Variants in PARD3B observed in about 807,000 individuals in gnomAD.
PARD3B encodes partitioning defective 3 homolog B.
Under a neutral mutation model 130.2 loss-of-function variants are expected in PARD3B, and 103 were observed. That is an observed-to-expected ratio of 0.79 (90% CI 0.67 to 0.93). The LOEUF (loss-of-function observed/expected upper bound fraction) is 0.93. Ranked by LOEUF, PARD3B falls within the 40% of genes least tolerant of loss-of-function variation. The pLI is 0.00. For synonymous variants in PARD3B, 583 were observed against 553.2 expected (o/e 1.05, Z -0.76); for missense variants, 1,609 against 1,499.2 (o/e 1.07, Z -1.21).
chr2:204,765,362 C>T (rs182751259), intron 2 of PARD3B, among the ~76,000 whole-genome samples: 1 of 152,110 alleles, frequency 6.6e-6, no homozygotes, highest in Non-Finnish European at 1.5e-5. Flanking sequence ...ATTGGAGAAC[C>T]ACTCTTCTGC....
chr2:205,476,683 T>C (rs1159577592), intron 20 of PARD3B, among the ~76,000 whole-genome samples: 2 of 152,206 alleles, frequency 1.3e-5, no homozygotes, highest in Non-Finnish European at 2.9e-5. Context: ...TACCCTCTTA[T>C]GAGTTACAGT....
intron 2 of PARD3B, among the ~76,000 whole-genome samples, chr2:204,959,510 G>A (rs577028467): frequency 7.5e-4 from 114 of 152,042 alleles, no homozygotes; most frequent in Non-Finnish European, 1.4e-3. Context: ...GGCATTGCTG[G>A]GTCAAATGGT....
chr2:204,883,199 T>A (rs1266970539), intron 2 of PARD3B, among the ~76,000 whole-genome samples: 1 of 151,472 alleles, frequency 6.6e-6, no homozygotes, highest in East Asian at 2.0e-4. Flanking sequence ...ATCGACACCA[T>A]CCTTTTATTT....
chr2:204,836,432 G>T (rs969553308), intron 2 of PARD3B, among the ~76,000 whole-genome samples: 4 of 152,132 alleles, frequency 2.6e-5, no homozygotes, highest in Non-Finnish European at 5.9e-5. Flanking sequence ...GGAGGCCAAG[G>T]CACGTGAATT....
chr2:204,988,547 A>G (rs1310420421), intron 3 of PARD3B, among the ~76,000 whole-genome samples: 2 of 152,228 alleles, frequency 1.3e-5, no homozygotes, highest in Non-Finnish European at 2.9e-5. Flanking sequence ...CCCATTCTCC[A>G]TGATGTGCTT....
chr2:205,528,321 A>C (rs2051425848), intron 21 of PARD3B, among the ~76,000 whole-genome samples: 1 of 152,180 alleles, frequency 6.6e-6, no homozygotes, highest in South Asian at 2.1e-4. Context: ...CGTTGTGCCC[A>C]ACCTCATGCT....
At position 204,949,282 on chromosome 2, in the gene PARD3B, A is replaced by G. The variant is rs199562323; in HGVS notation, c.223-15870A>G. ...TTTCTCCTCTTTCAGTTAAACCAGT[A>G]TCTTTGTCTTTGTCTTCCTTTCTTT... On this transcript the variant is annotated intron_variant, in intron 2 of 22. Transcript: ENST00000406610. Among the ~76,000 whole-genome samples the G allele has an allele frequency of 5.3e-5, 8 of 152,032 alleles. No individual in the cohort carries two copies. In the East Asian group the frequency reaches 1.5e-3, roughly 29 times the overall value.
intron 20 of PARD3B, among the ~76,000 whole-genome samples, chr2:205,488,007 A>G (rs1477404119): frequency 6.6e-6 from 1 of 152,132 alleles, no homozygotes; most frequent in Non-Finnish European, 1.5e-5. Flanking sequence ...AAAATAATAC[A>G]AGTTTTGTAG....
At chr2:204,955,280 A>G (rs570266713) in intron 2 of PARD3B, among the ~76,000 whole-genome samples, 1 of 152,370 alleles carries the variant, frequency 6.6e-6, no homozygotes, top group Admixed American at 6.5e-5. Flanking sequence ...AAGAAAATCA[A>G]ATACATATAT....
At chr2:205,106,271 C>A (rs933734829) in intron 5 of PARD3B, among the ~76,000 whole-genome samples, 4 of 152,142 alleles carry the variant, frequency 2.6e-5, no homozygotes, top group African/African-American at 9.6e-5. Context: ...CCTCAGCCTC[C>A]CAAGTAGCTG....
chr2:204,570,460 G>C (rs6741392), intron 1 of PARD3B, among the ~76,000 whole-genome samples: 1 of 152,108 alleles, frequency 6.6e-6, no homozygotes, highest in Non-Finnish European at 1.5e-5. Context: ...ACATGATTCT[G>C]TCCATCTAGC....
chr2:205,380,950 T>TAAAG (rs529607774), intron 18 of PARD3B, among the ~76,000 whole-genome samples: 9,675 of 81,768 alleles, frequency 0.12, 1,843 homozygotes, highest in African/African-American at 0.29. Flanking sequence ...ATATAATATA[T>TAAAG]AATGTATATA....
At chr2:205,184,855 T>C (rs1049005441) in intron 13 of PARD3B, among the ~76,000 whole-genome samples, 1 of 152,140 alleles carries the variant, frequency 6.6e-6, no homozygotes, top group African/African-American at 2.4e-5. Context: ...ACTTGATGGC[T>C]TTAAAAACTG....
intron 2 of PARD3B, among the ~76,000 whole-genome samples, chr2:204,688,101 T>TA: frequency 6.6e-6 from 1 of 152,212 alleles, no homozygotes; most frequent in African/African-American, 2.4e-5. Flanking sequence ...CTAAATAAGG[T>TA]AAAAAAGTGA....
At chr2:204,747,528 T>C (rs1474026649) in intron 2 of PARD3B, among the ~76,000 whole-genome samples, 1 of 152,152 alleles carries the variant, frequency 6.6e-6, no homozygotes, top group African/African-American at 2.4e-5. Flanking sequence ...ATAGATTCAA[T>C]GCCATCCCCA....
chr2:205,426,003 T>A (rs1026495298), intron 19 of PARD3B, among the ~76,000 whole-genome samples: 2 of 152,186 alleles, frequency 1.3e-5, no homozygotes, highest in Non-Finnish European at 2.9e-5. Flanking sequence ...ATTATTTTTT[T>A]ATTTATATCA....
intron 18 of PARD3B, among the ~76,000 whole-genome samples, chr2:205,349,145 C>T (rs1559688527): frequency 1.3e-5 from 2 of 152,112 alleles, no homozygotes; most frequent in African/African-American, 2.4e-5. Flanking sequence ...ATAAATGATG[C>T]CTGTACTTTG....
chr2:205,251,584 C>T (rs547061023), intron 16 of PARD3B, among the ~76,000 whole-genome samples: 1 of 152,120 alleles, frequency 6.6e-6, no homozygotes, highest in African/African-American at 2.4e-5. Context: ...TATTAAATGA[C>T]ATTTCATAAA....
intron 4 of PARD3B, among the ~76,000 whole-genome samples, chr2:205,064,648 G>A (rs1700251800): frequency 6.6e-6 from 1 of 152,170 alleles, no homozygotes; most frequent in South Asian, 2.1e-4. Context: ...TGTATACCCA[G>A]AGTCAAGGCC....
Sources: allele counts gnomAD v4.1 joint callset (sites outside exome capture counted in the v4.1 genomes callset), GRCh38; gene constraint gnomAD v4.1.1; transcripts MANE v1.5; gene names NCBI Gene and HGNC (gene_info 2026-07-23, HGNC 2026-07-21).